The following INSC variants were observed in gnomAD, a reference collection of about 807,000 sequenced individuals.
The protein encoded by INSC is protein inscuteable homolog.
A neutral mutation model predicts 58.6 loss-of-function variants in INSC; 67 were observed. The observed-to-expected ratio is 1.14, with a 90% CI of 0.94 to 1.40. The LOEUF is 1.40. Ranked by LOEUF, INSC falls within the 40% of genes most tolerant of loss-of-function variation. The probability of loss-of-function intolerance (pLI) is 0.00; values close to 1 mark genes in which losing one functional copy is unlikely to be tolerated. For missense variants in INSC, 714 were observed against 692.0 expected (o/e 1.03, Z -0.36); for synonymous variants, 262 against 276.1 (o/e 0.95, Z 0.51).
intron 2 of INSC, among the ~76,000 whole-genome samples, chr11:15,172,473 C>CA (rs1849433268): frequency 6.6e-6 from 1 of 152,214 alleles, no homozygotes; most frequent in Non-Finnish European, 1.5e-5. Context: ...GCACAAGAGA[C>CA]TGTTCCTCAC....
intron 9 of INSC, among the ~76,000 whole-genome samples, chr11:15,227,778 A>G (rs1851698500): frequency 6.6e-6 from 1 of 152,116 alleles, no homozygotes; most frequent in Non-Finnish European, 1.5e-5. Context: ...ACTCATGCTC[A>G]TGTTCTCTTC....
downstream of INSC, among the ~76,000 whole-genome samples, chr11:15,249,097 C>T (rs1168609283): frequency 6.6e-6 from 1 of 152,178 alleles, no homozygotes; most frequent in African/African-American, 2.4e-5. Flanking sequence ...ACCATCTCTT[C>T]TCACCTTCTG....
At chr11:15,167,358 C>T (rs1329818206) in intron 2 of INSC, among the ~76,000 whole-genome samples, 4 of 152,174 alleles carry the variant, frequency 2.6e-5, no homozygotes, top group East Asian at 1.9e-4. Flanking sequence ...CAAGGATTCC[C>T]GCACTTACTA....
intron 2 of INSC, among the ~76,000 whole-genome samples, chr11:15,153,514 C>A (rs1848716127): frequency 1.3e-5 from 2 of 152,188 alleles, no homozygotes; most frequent in African/African-American, 4.8e-5. Flanking sequence ...GTGAGATGTG[C>A]AGACTGTAAT....
At chr11:15,158,205 A>T (rs1848884353) in intron 2 of INSC, among the ~76,000 whole-genome samples, 1 of 151,700 alleles carries the variant, frequency 6.6e-6, no homozygotes, top group South Asian at 2.1e-4. Flanking sequence ...TTCTTTGCAC[A>T]ATTGTTGTCA....
At chr11:15,191,282 G>A (rs1273254136) in intron 6 of INSC, among the ~76,000 whole-genome samples, 1 of 152,068 alleles carries the variant, frequency 6.6e-6, no homozygotes, top group Non-Finnish European at 1.5e-5. Flanking sequence ...CCCGGCCGGT[G>A]TCTGCATTTT....
chr11:15,190,899 G>A, intron 6 of INSC, 85 bp downstream of exon 6: 6 of 910,514 alleles, frequency 6.6e-6, no homozygotes, highest in South Asian at 5.5e-5. Flanking sequence ...GCTGGCTCAC[G>A]AGGTCTGTCT....
At chr11:15,237,907 T>C (rs1385665942) in intron 10 of INSC, among the ~76,000 whole-genome samples, 1 of 152,088 alleles carries the variant, frequency 6.6e-6, no homozygotes, top group African/African-American at 2.4e-5. Flanking sequence ...GTTAGCACAC[T>C]ATCAAAAATC....
chr11:15,228,815 G>A (rs979020453), intron 9 of INSC, among the ~76,000 whole-genome samples: 6 of 152,108 alleles, frequency 3.9e-5, no homozygotes, highest in Admixed American at 2.6e-4. Context: ...CAGAAGCCTC[G>A]TTGGGTATGC....
At chr11:15,111,996 T>C (rs1847583253), upstream of INSC, among the ~76,000 whole-genome samples, 1 of 152,368 alleles carries the variant, frequency 6.6e-6, no homozygotes, top group East Asian at 1.9e-4. Flanking sequence ...TGTTAATGAT[T>C]AGAATGTATA....
chr11:15,171,997 C>G (rs1036764559), intron 2 of INSC, among the ~76,000 whole-genome samples: 2 of 152,152 alleles, frequency 1.3e-5, no homozygotes, highest in Non-Finnish European at 2.9e-5. Flanking sequence ...GGGGATCACC[C>G]CTGTGTTTGG....
intron 2 of INSC, among the ~76,000 whole-genome samples, chr11:15,170,952 G>C (rs771421505): frequency 6.6e-6 from 1 of 152,236 alleles, no homozygotes; most frequent in African/African-American, 2.4e-5. Flanking sequence ...TACTAGCAGA[G>C]TGCTGAATCG....
chr11:15,167,698 G>A (rs1212254831), intron 2 of INSC, among the ~76,000 whole-genome samples: 1 of 151,794 alleles, frequency 6.6e-6, no homozygotes, highest in Non-Finnish European at 1.5e-5. Flanking sequence ...TGCTCAGGTT[G>A]GTCTCAAACT....
intron 5 of INSC, chr11:15,188,195 A>G (rs1471415628): frequency 1.0e-6 from 1 of 985,320 alleles, no homozygotes; most frequent in East Asian, 1.1e-4. Context: ...CCCCACTCAC[A>G]AGCTCGGGTT....
chr11:15,160,101 TA>T (rs1218891784), intron 2 of INSC, among the ~76,000 whole-genome samples: 3 of 145,738 alleles, frequency 2.1e-5, no homozygotes, highest in African/African-American at 7.8e-5. Context: ...CTGCATCATC[TA>T]GGGGGTAAGG....
chr11:15,163,530 T>C (rs1019991059), intron 2 of INSC, among the ~76,000 whole-genome samples: 3 of 152,186 alleles, frequency 2.0e-5, no homozygotes, highest in Admixed American at 2.0e-4. Context: ...TGTGTGTTTG[T>C]TGGATCTTCT....
chr11:15,182,657 AT>A (rs1849822023), intron 5 of INSC, among the ~76,000 whole-genome samples: 1 of 152,186 alleles, frequency 6.6e-6, no homozygotes, highest in African/African-American at 2.4e-5. Flanking sequence ...GCATGCATTG[AT>A]TTGGGCTTCT....
chr11:15,114,848 C>T, upstream of INSC: 4 of 682,392 alleles, frequency 5.9e-6, no homozygotes, highest in Non-Finnish European at 6.6e-6. Flanking sequence ...TCGGAGAGGG[C>T]GGGCGGGGGA....
At chr11:15,128,809 C>A (rs1848059002) in intron 1 of INSC, among the ~76,000 whole-genome samples, 2 of 152,230 alleles carry the variant, frequency 1.3e-5, no homozygotes, top group Non-Finnish European at 2.9e-5. Context: ...AGGGCTGCAG[C>A]AAGCCCTCTG....
Sources: gnomAD v4.1 joint callset for allele counts (sites outside exome capture counted in the v4.1 genomes callset) on GRCh38, gnomAD v4.1.1 for gene constraint, MANE v1.5 for transcripts, NCBI Gene and HGNC (gene_info 2026-07-23, HGNC 2026-07-21) for gene names.